ZNRF1: variants seen among roughly 807,000 people sequenced by gnomAD.
The protein encoded by ZNRF1 is zinc and ring finger 1.
In ZNRF1, 3 loss-of-function variants were observed where a neutral mutation model predicts 18.4. The observed-to-expected ratio is 0.16, with a 90% CI of 0.07 to 0.42. ZNRF1 has a LOEUF of 0.42. Among genes scored for constraint, ZNRF1 ranks in the 10% least tolerant of loss-of-function variants. The pLI, the probability that ZNRF1 is intolerant of heterozygous loss-of-function variation, is 0.99. For synonymous variants in ZNRF1, 157 were observed against 144.2 expected, an observed-to-expected ratio of 1.09 and a Z score of -0.64; for missense variants, 310 against 329.8, an observed-to-expected ratio of 0.94 and a Z score of 0.47.
chr16:75,077,542 C>CAA (rs1230522144), intron 1 of ZNRF1, among the ~76,000 whole-genome samples: 3 of 151,968 alleles, frequency 2.0e-5, no homozygotes, highest in African/African-American at 7.2e-5. Flanking sequence ...AAAAAACAAA[C>CAA]AAAAAAAGAG....
chr16:75,066,652 G>A (rs1338274580), intron 1 of ZNRF1, among the ~76,000 whole-genome samples: 9 of 151,978 alleles, frequency 5.9e-5, no homozygotes, highest in African/African-American at 1.2e-4. Flanking sequence ...ACAGGCATGC[G>A]CCACCATGCC....
In ZNRF1 at chr16:75,000,391, C is replaced by T. The variant is rs1332134601; in HGVS notation, c.424+296C>T. On this transcript the variant is annotated intron_variant, in intron 1 of 4. Coordinates refer to ENST00000335325, the MANE Select transcript of ZNRF1 (RefSeq NM_032268.5). Reference sequence around the variant, plus strand: ...GCATCACCCTCCTCAGAGAAGAGGTCGTGTCTGGCTGAGAGCAAGTCAGCC... The same window carrying T: ...GCATCACCCTCCTCAGAGAAGAGGTTGTGTCTGGCTGAGAGCAAGTCAGCC... 8.5e-6 allele frequency: 5 copies of T among 588,484 alleles called. No individual in the cohort carries two copies. In the Admixed American group the frequency reaches 8.7e-5, roughly 10 times the overall value. 36.5% of individuals were successfully genotyped at this position (588,484 alleles called of 1,614,324 possible).
intron 2 of ZNRF1, among the ~76,000 whole-genome samples, chr16:75,094,365 A>G (rs1306047613): frequency 2.0e-5 from 3 of 152,188 alleles, no homozygotes; most frequent in African/African-American, 7.2e-5. Flanking sequence ...CAAAACACCC[A>G]AGCTAACCTA....
intron 1 of ZNRF1, among the ~76,000 whole-genome samples, chr16:75,061,598 G>A (rs1471242960): frequency 6.6e-6 from 1 of 151,246 alleles, no homozygotes; most frequent in African/African-American, 2.4e-5. Context: ...ACTTCATAGT[G>A]TATATGTACC....
At chr16:75,072,097 G>T (rs954953050) in intron 1 of ZNRF1, among the ~76,000 whole-genome samples, 1 of 151,704 alleles carries the variant, frequency 6.6e-6, no homozygotes, top group Admixed American at 6.6e-5. Context: ...ATGCCGCCAC[G>T]CCCAGTTAAT....
At chr16:75,050,589 C>G (rs934055083) in intron 1 of ZNRF1, among the ~76,000 whole-genome samples, 2 of 151,802 alleles carry the variant, frequency 1.3e-5, no homozygotes, top group Non-Finnish European at 2.9e-5. Flanking sequence ...CTTGTAGCCG[C>G]CGGGCACGGT....
chr16:75,008,765 C>T (rs1356319181), intron 1 of ZNRF1, among the ~76,000 whole-genome samples: 1 of 152,106 alleles, frequency 6.6e-6, no homozygotes, highest in Non-Finnish European at 1.5e-5. Flanking sequence ...AATATTTTAG[C>T]TTCTGGGAGA....
At chr16:75,069,190 A>G (rs544498477) in intron 1 of ZNRF1, among the ~76,000 whole-genome samples, 2 of 152,178 alleles carry the variant, frequency 1.3e-5, no homozygotes, top group African/African-American at 4.8e-5. Flanking sequence ...AAAAAAAGGA[A>G]GGCAAGAAGA....
At chr16:75,084,556 A>G (rs998499131) in intron 1 of ZNRF1, 3 of 152,244 alleles carry the variant, frequency 2.0e-5, no homozygotes, top group Admixed American at 6.5e-5. Flanking sequence ...TTTCATCTAC[A>G]GACCACGGGG....
intron 1 of ZNRF1, among the ~76,000 whole-genome samples, chr16:75,053,229 A>T (rs1435882017): frequency 6.6e-6 from 1 of 152,314 alleles, no homozygotes. Flanking sequence ...TATACATATA[A>T]GGTGGGAATA....
chr16:75,031,606 G>A (rs1261959472), intron 1 of ZNRF1, among the ~76,000 whole-genome samples: 1 of 151,832 alleles, frequency 6.6e-6, no homozygotes, highest in Non-Finnish European at 1.5e-5. Context: ...TCCAAAGCTC[G>A]AGTGATCCTC....
At chr16:75,050,246 CCAGATG>C (rs2035575891) in intron 1 of ZNRF1, among the ~76,000 whole-genome samples, 1 of 152,082 alleles carries the variant, frequency 6.6e-6, no homozygotes, top group African/African-American at 2.4e-5. Flanking sequence ...ATACTTGTGC[CCAGATG>C]CAGTGGCTCA....
intron 1 of ZNRF1, among the ~76,000 whole-genome samples, chr16:75,018,072 CAT>C (rs2035094240): frequency 6.6e-6 from 1 of 152,188 alleles, no homozygotes; most frequent in Admixed American, 6.5e-5. Context: ...ATATAGGACT[CAT>C]ATGAATCAAA....
intron 3 of ZNRF1, 35 bp from the exon 4 acceptor site, chr16:75,106,447 G>C (rs754277455): frequency 8.1e-6 from 13 of 1,613,512 alleles, no homozygotes; most frequent in Non-Finnish European, 1.1e-5. Flanking sequence ...TGGGCAGCAG[G>C]TAACGTGGTT....
At chr16:75,058,454 C>T (rs2035696665) in intron 1 of ZNRF1, among the ~76,000 whole-genome samples, 1 of 152,132 alleles carries the variant, frequency 6.6e-6, no homozygotes, top group South Asian at 2.1e-4. Flanking sequence ...CCTGCTGGCC[C>T]AACACTGTTG....
chr16:75,090,571 A>C (rs1567492568), intron 1 of ZNRF1, among the ~76,000 whole-genome samples: 1 of 152,174 alleles, frequency 6.6e-6, no homozygotes, highest in Non-Finnish European at 1.5e-5. Context: ...GGTTAGAAAT[A>C]CAGCCCTTTC....
chr16:75,047,814 T>C (rs904473168), intron 1 of ZNRF1, among the ~76,000 whole-genome samples: 1 of 152,226 alleles, frequency 6.6e-6, no homozygotes, highest in Non-Finnish European at 1.5e-5. Context: ...CTCACAGTTC[T>C]AGAGGCATGG....
At chr16:75,093,052 GCCC>G (rs2036158211) in intron 1 of ZNRF1, among the ~76,000 whole-genome samples, 2 of 152,190 alleles carry the variant, frequency 1.3e-5, no homozygotes, top group Admixed American at 1.3e-4. Flanking sequence ...GGCAGGGTGA[GCCC>G]TAGTGAAAGC....
chr16:75,091,573 C>T (rs985732568), intron 1 of ZNRF1, among the ~76,000 whole-genome samples: 6 of 150,276 alleles, frequency 4.0e-5, no homozygotes, highest in Non-Finnish European at 5.9e-5. Context: ...TGCTCTGTCC[C>T]CCAGGCTGGA....
Sources: allele counts gnomAD v4.1 joint callset (sites outside exome capture counted in the v4.1 genomes callset), GRCh38; gene constraint gnomAD v4.1.1; transcripts MANE v1.5; gene names NCBI Gene and HGNC (gene_info 2026-07-23, HGNC 2026-07-21).